Variants in COL5A1 observed in about 807,000 individuals in gnomAD.
COL5A1 encodes collagen alpha-1(V) chain.
COL5A1 carries 16 observed loss-of-function variants against 263.7 expected under a neutral mutation model. The observed-to-expected ratio is 0.06, with a 90% CI of 0.04 to 0.09. COL5A1 has a LOEUF of 0.09. COL5A1 is among the 10% of genes least tolerant of loss of function. The probability of loss-of-function intolerance (pLI) is 1.00; values close to 1 mark genes in which losing one functional copy is unlikely to be tolerated. For missense variants in COL5A1, 2,036 were observed against 2,540.5 expected (o/e 0.80, Z 4.27); for synonymous variants, 1,012 against 1,004.5 (o/e 1.01, Z -0.14).
At chr9:134,779,997 T>C (rs1837191483) in intron 27 of COL5A1, 105 bp from the exon 28 acceptor site, 1 of 1,288,132 alleles carries the variant, frequency 7.8e-7, no homozygotes, top group South Asian at 1.2e-5. Flanking sequence ...GCTGGCCTCA[T>C]CTGTCAGCTT....
chr9:134,681,207 G>A lies in COL5A1; in HGVS notation c.110-9705G>A, dbSNP rs1412388119. Among the ~76,000 whole-genome samples the A allele has an allele frequency of 1.3e-5, 2 of 152,222 alleles. No individual in the cohort carries two copies. The highest frequency in any genetic ancestry group is 2.4e-5 in the African/African-American group (1 of 41,456). On this transcript the variant is annotated intron_variant, in intron 1 of 65. Coordinates refer to ENST00000371817, the MANE Select transcript of COL5A1 (RefSeq NM_000093.5). This position sits in a 1 kb window ranked among gnomAD's most constrained non-coding sequence, Gnocchi z 4.3. ...CTCAGCCCTGGGCCAGACCCTCCCT[G>A]GTGGCTCGATGGCTCGGCCCTCAGC...
At chr9:134,810,925 C>A (rs1395694430) in intron 44 of COL5A1, among the ~76,000 whole-genome samples, 5 of 152,196 alleles carry the variant, frequency 3.3e-5, no homozygotes, top group Non-Finnish European at 7.3e-5. Context: ...CCTTGCTTGC[C>A]TCCTTCCCAT....
rs1376664341 is a variant in COL5A1, at chr9:134,678,053, A to G, written c.110-12859A>G. Among the ~76,000 whole-genome samples, 2 of 152,128 alleles carry G rather than the reference A, an allele frequency of 1.3e-5. No homozygotes were observed. Among genetic ancestry groups the G allele is most frequent in the African/African-American group, 4.8e-5 (2 of 41,420 alleles). On this transcript the variant is annotated intron_variant, in intron 1 of 65. Transcript: ENST00000371817. This position sits in a 1 kb window ranked among gnomAD's most constrained non-coding sequence, Gnocchi z 5.5. ...GATTGAGCCTCGCTCTGCCCTCATCATGGCCCCAGTGCTCTCCCCAGCGTC... is the reference window on the plus strand; with the variant it reads ...GATTGAGCCTCGCTCTGCCCTCATCGTGGCCCCAGTGCTCTCCCCAGCGTC...
Position 134,789,159 on chromosome 9 carries a change from C to T in COL5A1, c.2651C>T (p.Ser884Phe). The T allele has an allele frequency of 6.2e-7, 1 of 1,613,026 alleles. No individual in the cohort carries two copies. The highest frequency in any genetic ancestry group is 8.5e-7 in the Non-Finnish European group (1 of 1,179,878). ...CCTCCTTAAACTCTCTTTCAGGGCT[C>T]TATTGGATTCCCTGGATTTCCTGGC... is the stretch of plus-strand genomic sequence containing the variant. Reference protein sequence around the residue: ...GYPGRQGPKGSIGFPGFPGAN... With the variant: ...GYPGRQGPKGFIGFPGFPGAN... Residue 884 changes from serine to phenylalanine, a missense_variant, in exon 32 of 66, where the codon TCT becomes TTT. Around this residue, in one of 3 missense-constraint regions of COL5A1, gnomAD observed 1,078 missense variants for 1,521.4 expected, o/e 0.71. Transcript: ENST00000371817. This position sits in a 1 kb window ranked among gnomAD's most constrained non-coding sequence, Gnocchi z 4.8.
intron 1 of COL5A1, among the ~76,000 whole-genome samples, chr9:134,665,562 A>G (rs775733650): frequency 4.6e-5 from 7 of 152,218 alleles, no homozygotes; most frequent in Non-Finnish European, 1.0e-4. Context: ...GTTTCTGTAG[A>G]GTGGACGGCT....
Position 134,700,035 on chromosome 9 carries a change from C to T in COL5A1, c.404C>T (p.Ser135Phe), listed in dbSNP as rs201997623. 2.5e-6 allele frequency: 4 copies of T among 1,613,584 alleles called. No individual in the cohort carries two copies. The highest frequency in any genetic ancestry group is 3.4e-6 in the Non-Finnish European group (4 of 1,180,042). The change falls in exon 3 of 66, where the codon TCT (serine) becomes TTT (phenylalanine). Residue 135 changes from serine to phenylalanine, a missense_variant. By Grantham distance (155) the Ser-to-Phe change is radical. Transcript: ENST00000371817. The surrounding 1 kb of genome is among the most constrained non-coding windows in gnomAD (Gnocchi z 4.0). ...IQQIGLELGR[S>F]PVFLYEDHTG... ...CAGATTGGGCTGGAGCTGGGCCGCT[C>T]TCCCGTCTTCCTCTACGAGGACCAC...
intron 27 of COL5A1, among the ~76,000 whole-genome samples, chr9:134,776,786 C>T (rs976697694): frequency 6.6e-6 from 1 of 152,202 alleles, no homozygotes; most frequent in African/African-American, 2.4e-5. Context: ...TTCTCACAGT[C>T]CTGGAGGCTG....
At chr9:134,730,647 ACTTC>A (rs1169925113) in intron 7 of COL5A1, among the ~76,000 whole-genome samples, 172 bp downstream of exon 7, 1 of 152,188 alleles carries the variant, frequency 6.6e-6, no homozygotes, top group Non-Finnish European at 1.5e-5. Context: ...GTGGCGTAAT[ACTTC>A]CCAGGGGAGG....
Position 134,812,612 on chromosome 9 carries a change from C to A in COL5A1, c.3752C>A (p.Pro1251Gln). 1 of 1,605,992 alleles carries A rather than the reference C, an allele frequency of 6.2e-7. No individual in the cohort carries two copies. Among genetic ancestry groups the A allele is most frequent in the Non-Finnish European group, 8.5e-7 (1 of 1,175,740 alleles). Residue 1251 changes from proline to glutamine, a missense_variant, in exon 48 of 66, where the codon CCG (proline) becomes CAG (glutamine). Physicochemically the swap from Pro to Gln is moderately conservative, Grantham distance 76. Coordinates refer to ENST00000371817, the MANE Select transcript of COL5A1 (RefSeq NM_000093.5). ...ETGDVGQMGP[P>Q]GPPGPRGPSG... ...GTCTCTCCCTTTTCCTAGGGCCCCCCGGGTCCCCCTGGCCCCCGAGGACCC... is the reference window on the plus strand; with the variant it reads ...GTCTCTCCCTTTTCCTAGGGCCCCCAGGGTCCCCCTGGCCCCCGAGGACCC...
chr9:134,771,648 T>C (rs1836869183), intron 25 of COL5A1, among the ~76,000 whole-genome samples: 1 of 152,236 alleles, frequency 6.6e-6, no homozygotes, highest in South Asian at 2.1e-4. Context: ...AATGCTACTG[T>C]GTCTAGAAAG....
In COL5A1 at chr9:134,814,049, G is replaced by A; in HGVS notation, c.3906+13G>A. On this transcript the variant is annotated intron_variant, in intron 49 of 65. Coordinates refer to ENST00000371817, the MANE Select transcript of COL5A1 (RefSeq NM_000093.5). ...AGGCGGCCCCCCGGTGAGTGAGCGG[G>A]CGCTGCGGGAGGGGTGGGATATGGC... The A allele has an allele frequency of 6.4e-7, 1 of 1,550,592 alleles. No individual in the cohort carries two copies. The highest frequency in any genetic ancestry group is 8.7e-7 in the Non-Finnish European group (1 of 1,146,908).
intron 9 of COL5A1, among the ~76,000 whole-genome samples, chr9:134,733,280 T>C (rs1281953108): frequency 6.6e-6 from 1 of 152,202 alleles, no homozygotes; most frequent in Non-Finnish European, 1.5e-5. Context: ...AGCAGGCCTT[T>C]ATACCCCTGG....
Position 134,652,797 on chromosome 9 carries a change from C to A in COL5A1, c.109+10501C>A. The A allele has an allele frequency of 2.2e-6, 1 of 462,012 alleles. No individual in the cohort carries two copies. Among genetic ancestry groups the A allele is most frequent in the Non-Finnish European group, 4.5e-6 (1 of 221,610 alleles). 28.6% of individuals were successfully genotyped at this position (462,012 alleles called of 1,614,324 possible). On this transcript the variant is annotated intron_variant, in intron 1 of 65. Coordinates refer to ENST00000371817, the MANE Select transcript of COL5A1 (RefSeq NM_000093.5). The surrounding 1 kb of genome is among the most constrained non-coding windows in gnomAD (Gnocchi z 4.4). ...CGTTTCTCCTCATGGTGTAGACCAG[C>A]AGTTCCCAAACTTTACCAGGCCCCA...
intron 23 of COL5A1, 39 bp from the exon 24 acceptor site, chr9:134,767,271 C>T (rs200951893): frequency 4.8e-5 from 76 of 1,596,714 alleles, no homozygotes; most frequent in East Asian, 8.9e-5. Context: ...AGTCAATCAG[C>T]GCCCTCACCT....
At chr9:134,796,571 G>A (rs1424643835) in intron 35 of COL5A1, among the ~76,000 whole-genome samples, 153 bp downstream of exon 35, 1 of 152,180 alleles carries the variant, frequency 6.6e-6, no homozygotes, top group Non-Finnish European at 1.5e-5. Context: ...GGTGGGTCAC[G>A]CCCTGGGAGT....
Position 134,677,858 on chromosome 9 carries a change from C to A in COL5A1, c.110-13054C>A, listed in dbSNP as rs1405251142. ...GCTTTCTCCACAGCTGCCTGGAACGCCCCATGGCATGGTTCCACGGGAGGG... is the reference window on the plus strand; with the variant it reads ...GCTTTCTCCACAGCTGCCTGGAACGACCCATGGCATGGTTCCACGGGAGGG... On this transcript the variant is annotated intron_variant, in intron 1 of 65. Transcript: ENST00000371817. This position sits in a 1 kb window ranked among gnomAD's most constrained non-coding sequence, Gnocchi z 4.4. Among the ~76,000 whole-genome samples the A allele has an allele frequency of 6.6e-6, 1 of 152,234 alleles. No homozygotes were observed. Among genetic ancestry groups the A allele is most frequent in the Non-Finnish European group, 1.5e-5 (1 of 68,040 alleles).
rs183039591 is a variant in COL5A1 at position 134,710,438 on chromosome 9, C to T, written c.654+9105C>T. Among the ~76,000 whole-genome samples, 1,668 of 152,262 alleles carry T rather than the reference C, an allele frequency of 0.011. 57 individuals carry two copies. In the South Asian group the frequency reaches 0.13, roughly 12 times the overall value. On this transcript the variant is annotated intron_variant, in intron 4 of 65. Transcript: ENST00000371817. ...GACCTAAGCCTGCTCCCCATCGAGACGCCCCGTCTGTTGGGTGCAGTGGTG... is the reference window on the plus strand; with the variant it reads ...GACCTAAGCCTGCTCCCCATCGAGATGCCCCGTCTGTTGGGTGCAGTGGTG...
chr9:134,752,484 T>C lies in COL5A1; in HGVS notation c.1663-105T>C, dbSNP rs1006259551. The C allele has an allele frequency of 8.3e-6, 7 of 838,730 alleles. 1 individual carries two copies. The highest frequency in any genetic ancestry group is 6.9e-5 in the South Asian group (5 of 72,092). The allele number at this position is 838,730 out of a possible 1,614,324, so 52.0% of individuals were successfully genotyped here. A position where few individuals can be genotyped will look rare whatever the true frequency, so the allele number is the denominator to read the frequency against. Reference sequence around the variant, plus strand: ...TCCAGAGTCTCCTGTCCCTCCTCTGTCCAGTCTGCCCGTTCCCTCCTGCCA... The same window carrying C: ...TCCAGAGTCTCCTGTCCCTCCTCTGCCCAGTCTGCCCGTTCCCTCCTGCCA... On this transcript the variant is annotated intron_variant, in intron 13 of 65. Transcript: ENST00000371817.
At chr9:134,665,426 T>C (rs918334905) in intron 1 of COL5A1, among the ~76,000 whole-genome samples, 5 of 152,182 alleles carry the variant, frequency 3.3e-5, no homozygotes, top group African/African-American at 1.2e-4. Context: ...ATATGTTAAG[T>C]AAAGCAAAGC....
Sources: allele counts gnomAD v4.1 joint callset (sites outside exome capture counted in the v4.1 genomes callset), GRCh38; gene constraint gnomAD v4.1.1; regional missense constraint gnomAD v4.1.1; non-coding constraint Gnocchi (gnomAD v3.1); transcripts MANE v1.5; gene names NCBI Gene and HGNC (gene_info 2026-07-23, HGNC 2026-07-21).